STAU2: variants seen among roughly 807,000 people sequenced by gnomAD.
The protein encoded by STAU2 is double-stranded RNA-binding protein Staufen homolog 2.
Under a neutral mutation model 65.9 loss-of-function variants are expected in STAU2, and 20 were observed. That is an observed-to-expected ratio of 0.30 (90% CI 0.21 to 0.44). The LOEUF (loss-of-function observed/expected upper bound fraction) is 0.44, where lower values mean the gene tolerates loss of function less well. STAU2 is among the 20% of genes least tolerant of loss of function. The probability of loss-of-function intolerance (pLI) is 1.00; values close to 1 mark genes in which losing one functional copy is unlikely to be tolerated. For missense variants in STAU2, 558 were observed against 683.9 expected (o/e 0.82, Z 2.05); for synonymous variants, 232 against 233.9 (o/e 0.99, Z 0.07).
chr8:73,428,303 C>T (rs1270557265), intron 13 of STAU2, among the ~76,000 whole-genome samples: 1 of 152,044 alleles, frequency 6.6e-6, no homozygotes, highest in Non-Finnish European at 1.5e-5. Context: ...ATAATTTCTT[C>T]CTTTTTAAAA....
intron 11 of STAU2, among the ~76,000 whole-genome samples, chr8:73,589,456 A>T (rs73328779): frequency 0.18 from 27,783 of 152,138 alleles, 2,773 homozygotes; most frequent in African/African-American, 0.27. Context: ...TATGATTCAT[A>T]GGTTGAAAGA....
chr8:73,687,337 T>TTATATTTATATTTATAAATATAAA (rs1563506801), intron 5 of STAU2, among the ~76,000 whole-genome samples: 39 of 100,888 alleles, frequency 3.9e-4, no homozygotes, highest in South Asian at 1.2e-3. Context: ...ATAAATATAA[T>TTATATTTATATTTATAAATATAAA]TTATATTTAT....
chr8:73,605,882 C>CAT (rs1375226711), intron 9 of STAU2, among the ~76,000 whole-genome samples: 162 of 22,580 alleles, frequency 7.2e-3, no homozygotes, highest in East Asian at 0.04. Context: ...CACACATACA[C>CAT]ACACACACAC....
chr8:73,656,215 T>G (rs1816360222), intron 6 of STAU2, among the ~76,000 whole-genome samples: 1 of 152,262 alleles, frequency 6.6e-6, no homozygotes, highest in Non-Finnish European at 1.5e-5. Flanking sequence ...AGTTCTCAAT[T>G]CTACTCTTAT....
intron 13 of STAU2, among the ~76,000 whole-genome samples, chr8:73,485,518 T>C (rs373266620): frequency 4.6e-5 from 7 of 152,086 alleles, no homozygotes; most frequent in African/African-American, 1.7e-4. Context: ...TTAAAATACA[T>C]GCTTCTGGAT....
intron 6 of STAU2, among the ~76,000 whole-genome samples, chr8:73,630,016 T>G (rs1469278177): frequency 6.6e-6 from 1 of 152,188 alleles, no homozygotes; most frequent in African/African-American, 2.4e-5. Context: ...CTGTTTAATA[T>G]TAAAAGTGTA....
intron 3 of STAU2, among the ~76,000 whole-genome samples, chr8:73,718,034 T>C (rs937597575): frequency 5.3e-5 from 8 of 152,228 alleles, no homozygotes; most frequent in African/African-American, 1.9e-4. Context: ...ATTATTGAGA[T>C]AATAATATGT....
chr8:73,675,784 C>A (rs1164729601), intron 5 of STAU2, among the ~76,000 whole-genome samples: 1 of 152,182 alleles, frequency 6.6e-6, no homozygotes, highest in Non-Finnish European at 1.5e-5. Context: ...AACACATGGT[C>A]TTGATTAGCT....
intron 13 of STAU2, among the ~76,000 whole-genome samples, chr8:73,464,424 T>A (rs550636932): frequency 1.2e-4 from 19 of 152,332 alleles, no homozygotes; most frequent in Non-Finnish European, 2.4e-4. Flanking sequence ...GTTACACTTC[T>A]ATGAAGAGAC....
chr8:73,543,148 G>GATTGTATTTTCATTTAATTCTT (rs1806660566), intron 13 of STAU2, among the ~76,000 whole-genome samples: 1 of 152,150 alleles, frequency 6.6e-6, no homozygotes, highest in Non-Finnish European at 1.5e-5. Context: ...AATATACTGA[G>GATTGTATTTTCATTTAATTCTT]TGAAAGATGC....
chr8:73,687,121 A>G (rs1357469143), intron 5 of STAU2, among the ~76,000 whole-genome samples: 1 of 144,378 alleles, frequency 6.9e-6, no homozygotes. Context: ...ATAAATATAT[A>G]GTTTTATATA....
chr8:73,740,176 T>C (rs979344020), intron 1 of STAU2, among the ~76,000 whole-genome samples: 1 of 152,198 alleles, frequency 6.6e-6, no homozygotes, highest in African/African-American at 2.4e-5. Context: ...ACTGACAGCT[T>C]GACTACCACC....
At chr8:73,437,842 C>T (rs2099440662) in intron 13 of STAU2, among the ~76,000 whole-genome samples, 1 of 152,124 alleles carries the variant, frequency 6.6e-6, no homozygotes, top group African/African-American at 2.4e-5. Context: ...CGCCCTCCTG[C>T]TGCAGTGGCC....
chr8:73,688,489 CGTGTGTGTGTGTGT>C (rs34713766), intron 5 of STAU2, among the ~76,000 whole-genome samples, 151 bp downstream of exon 5: 29,918 of 146,874 alleles, frequency 0.2, 3,420 homozygotes, highest in East Asian at 0.36. Context: ...TTTATGCTAC[CGTGTGTGTGTGTGT>C]GTGTGTGTGT....
chr8:73,631,557 G>A (rs1814091639), intron 6 of STAU2, among the ~76,000 whole-genome samples: 1 of 152,046 alleles, frequency 6.6e-6, no homozygotes, highest in African/African-American at 2.4e-5. Context: ...TTTAAAAATT[G>A]TAAAGGCCAT....
Position 73,634,930 on chromosome 8 carries a change from G to A in STAU2, c.411-17479C>T, listed in dbSNP as rs554052240. The stretch of plus-strand genomic sequence containing the variant: ...TTCACTTTCTAATCTACTATACAAT[G>A]TACTTGTATTTATTTTTTATTTTCT... On this transcript the variant is annotated intron_variant, in intron 6 of 14. Coordinates refer to ENST00000524300, the MANE Select transcript of STAU2 (RefSeq NM_001164380.2). Among the ~76,000 whole-genome samples, 8 of 152,192 alleles carry A rather than the reference G, an allele frequency of 5.3e-5. No individual in the cohort carries two copies. The East Asian group carries it at 1.5e-3, about 29-fold the overall frequency.
At chr8:73,509,311 G>A (rs899768016) in intron 13 of STAU2, among the ~76,000 whole-genome samples, 2 of 152,084 alleles carry the variant, frequency 1.3e-5, no homozygotes, top group African/African-American at 2.4e-5. Context: ...TGAACTGTCT[G>A]TTCATATCAT....
intron 13 of STAU2, among the ~76,000 whole-genome samples, chr8:73,462,965 G>T (rs910835625): frequency 6.6e-6 from 1 of 152,198 alleles, no homozygotes; most frequent in African/African-American, 2.4e-5. Flanking sequence ...TGACTTCTTT[G>T]AAGGCAGTCA....
intron 10 of STAU2, among the ~76,000 whole-genome samples, chr8:73,598,400 TG>T (rs1811371715): frequency 6.6e-6 from 1 of 152,072 alleles, no homozygotes; most frequent in African/African-American, 2.4e-5. Flanking sequence ...GCTAATTTTT[TG>T]TATTTACAGT....
Sources: gnomAD v4.1 joint callset for allele counts (sites outside exome capture counted in the v4.1 genomes callset) on GRCh38, gnomAD v4.1.1 for gene constraint, MANE v1.5 for transcripts, NCBI Gene and HGNC (gene_info 2026-07-23, HGNC 2026-07-21) for gene names.